Variants in DENND1A observed in about 807,000 individuals in gnomAD.
The protein encoded by DENND1A is DENN domain-containing protein 1A.
A neutral mutation model predicts 113.7 loss-of-function variants in DENND1A; 51 were observed. That is an observed-to-expected ratio of 0.45 (90% CI 0.36 to 0.57). The LOEUF (loss-of-function observed/expected upper bound fraction) is 0.57. Among genes scored for constraint, DENND1A ranks in the 20% least tolerant of loss-of-function variants. The probability of loss-of-function intolerance (pLI) is 0.00; values close to 1 mark genes in which losing one functional copy is unlikely to be tolerated. For synonymous variants in DENND1A, 565 were observed against 570.8 expected (o/e 0.99, Z 0.14); for missense variants, 1,258 against 1,395.9 (o/e 0.90, Z 1.57).
At chr9:123,915,058 T>A (rs1854839421) in intron 1 of DENND1A, among the ~76,000 whole-genome samples, 1 of 152,122 alleles carries the variant, frequency 6.6e-6, no homozygotes, top group African/African-American at 2.4e-5. Flanking sequence ...GAGGTTTCCA[T>A]CCTGCCAACA....
In DENND1A at chr9:123,728,479, CAAAAAAAAAAAAA is replaced by C. The variant is rs60761810; in HGVS notation, c.302+29211_302+29223del. On this transcript the variant is annotated intron_variant, in intron 5 of 23. Transcript: ENST00000394215. ...GCAACAATTGCAAAACTCTGTCTCCCAAAAAAAAAAAAAAAAAAAAAAAAAAAAAAACAGGCAT... is the reference window on the plus strand; with the variant it reads ...GCAACAATTGCAAAACTCTGTCTCCCAAAAAAAAAAAAAAAAAACAGGCAT... Among the ~76,000 whole-genome samples the C allele has an allele frequency of 7.1e-4, 18 of 25,194 alleles. 1 individual carries two copies. Among genetic ancestry groups the C allele is most frequent in the Admixed American group, 2.9e-3 (4 of 1,362 alleles). The allele number at this position is 25,194 out of a possible 152,430, so 16.5% of individuals were successfully genotyped here.
chr9:123,558,640 G>T (rs78843490), intron 12 of DENND1A, among the ~76,000 whole-genome samples: 1 of 152,172 alleles, frequency 6.6e-6, no homozygotes, highest in Admixed American at 6.5e-5. Flanking sequence ...ATGGAATAAA[G>T]ATTTTCCTGA....
At chr9:123,433,928 C>T (rs906323444) in intron 19 of DENND1A, among the ~76,000 whole-genome samples, 1 of 152,302 alleles carries the variant, frequency 6.6e-6, no homozygotes, top group East Asian at 1.9e-4. Context: ...CATTCCCTTC[C>T]GGGGACACCT....
At chr9:123,519,444 T>A (rs569803543) in intron 13 of DENND1A, among the ~76,000 whole-genome samples, 2 of 25,730 alleles carry the variant, frequency 7.8e-5, no homozygotes, top group Admixed American at 1.1e-3. Context: ...TCTTTTTAAA[T>A]TTTTTTTTTT....
intron 2 of DENND1A, among the ~76,000 whole-genome samples, chr9:123,865,923 C>G (rs1049557397): frequency 6.6e-6 from 1 of 152,102 alleles, no homozygotes; most frequent in African/African-American, 2.4e-5. Context: ...GATGTATTTC[C>G]GTTAACCAAA....
chr9:123,820,479 AGG>A (rs1838277629), intron 2 of DENND1A, among the ~76,000 whole-genome samples: 1 of 152,196 alleles, frequency 6.6e-6, no homozygotes, highest in African/African-American at 2.4e-5. Flanking sequence ...CCAGGCACCC[AGG>A]TGAAGTATGA....
chr9:123,719,877 C>T (rs915526999), intron 5 of DENND1A, among the ~76,000 whole-genome samples: 1 of 152,092 alleles, frequency 6.6e-6, no homozygotes, highest in Admixed American at 6.5e-5. Context: ...AGTCATGTCC[C>T]TCAAAAAGTT....
chr9:123,775,832 C>T (rs1281218768), intron 3 of DENND1A, among the ~76,000 whole-genome samples: 1 of 152,192 alleles, frequency 6.6e-6, no homozygotes, highest in African/African-American at 2.4e-5. Flanking sequence ...ACTCCTTTTA[C>T]AACACACGAA....
chr9:123,726,344 TAAC>T (rs1377680449), intron 5 of DENND1A, among the ~76,000 whole-genome samples: 2 of 152,238 alleles, frequency 1.3e-5, no homozygotes, highest in African/African-American at 4.8e-5. Flanking sequence ...AATTCAATAA[TAAC>T]GTGTCTCACA....
chr9:123,818,244 A>C (rs1837836984), intron 2 of DENND1A, among the ~76,000 whole-genome samples: 1 of 150,760 alleles, frequency 6.6e-6, no homozygotes, highest in Non-Finnish European at 1.5e-5. Flanking sequence ...AGCTGGGACT[A>C]CAGGCGCCTG....
intron 10 of DENND1A, among the ~76,000 whole-genome samples, chr9:123,622,434 A>C (rs1330970359): frequency 6.6e-6 from 1 of 152,256 alleles, no homozygotes; most frequent in African/African-American, 2.4e-5. Context: ...TTTAATTAGC[A>C]TAGTGCCTGG....
At chr9:123,538,749 AGTGTGTGTGTGT>A (rs145062895) in intron 13 of DENND1A, among the ~76,000 whole-genome samples, 9,458 of 90,966 alleles carry the variant, frequency 0.1, 849 homozygotes, top group African/African-American at 0.22. Context: ...TATGTGTGTG[AGTGTGTGTGTGT>A]GTGTGTGTGT....
chr9:123,642,436 T>A (rs1482187421), intron 9 of DENND1A, among the ~76,000 whole-genome samples: 1 of 152,270 alleles, frequency 6.6e-6, no homozygotes, highest in Non-Finnish European at 1.5e-5. Context: ...CACTTCATTA[T>A]AATTTCTTAA....
intron 2 of DENND1A, among the ~76,000 whole-genome samples, chr9:123,797,236 G>C (rs1000096037): frequency 6.6e-6 from 1 of 152,108 alleles, no homozygotes; most frequent in South Asian, 2.1e-4. Flanking sequence ...CATGGAGTTT[G>C]AGATACTATC....
At chr9:123,827,075 T>C (rs1357929831) in intron 2 of DENND1A, among the ~76,000 whole-genome samples, 44 of 152,240 alleles carry the variant, frequency 2.9e-4, no homozygotes, top group Non-Finnish European at 1.5e-5. Flanking sequence ...TGAAAAAATA[T>C]TTTTCCATTG....
chr9:123,545,630 C>T lies in DENND1A; in HGVS notation c.993+11940G>A, dbSNP rs1336920836. Among the ~76,000 whole-genome samples the T allele has an allele frequency of 1.4e-4, 22 of 152,028 alleles. 1 individual carries two copies. Among genetic ancestry groups the T allele is most frequent in the African/African-American group, 5.1e-4 (21 of 41,318 alleles). On this transcript the variant is annotated intron_variant, in intron 13 of 23. Coordinates refer to ENST00000394215, the MANE Select transcript of DENND1A (RefSeq NM_001352964.2). ...TACAGGCGCCCGCCACCACACCTGG[C>T]TAATTTTTTTGTATTTTTAGTAGAG...
intron 16 of DENND1A, among the ~76,000 whole-genome samples, chr9:123,453,695 C>T (rs139049642): frequency 6.6e-6 from 1 of 152,268 alleles, no homozygotes; most frequent in East Asian, 1.9e-4. Flanking sequence ...ATGTAATTAT[C>T]GGTCTTAACT....
At chr9:123,566,662 C>T (rs1256225919) in intron 12 of DENND1A, among the ~76,000 whole-genome samples, 2 of 151,846 alleles carry the variant, frequency 1.3e-5, no homozygotes, top group Admixed American at 6.6e-5. Flanking sequence ...AAAACAAAAC[C>T]AAAAAAGGCC....
At chr9:123,865,625 G>C (rs1845705727) in intron 2 of DENND1A, among the ~76,000 whole-genome samples, 1 of 152,222 alleles carries the variant, frequency 6.6e-6, no homozygotes, top group Non-Finnish European at 1.5e-5. Context: ...CTTCATGATA[G>C]TTCAAACTGA....
Sources: allele counts gnomAD v4.1 joint callset (sites outside exome capture counted in the v4.1 genomes callset), GRCh38; gene constraint gnomAD v4.1.1; transcripts MANE v1.5; gene names NCBI Gene and HGNC (gene_info 2026-07-23, HGNC 2026-07-21).